FUBP3: variants seen among roughly 807,000 people sequenced by gnomAD.
FUBP3 encodes far upstream element binding protein 3.
Under a neutral mutation model 85.6 loss-of-function variants are expected in FUBP3, and 28 were observed. The observed-to-expected ratio is 0.33, with a 90% confidence interval of 0.24 to 0.45. The LOEUF is 0.45. Ranked by LOEUF, FUBP3 falls within the 20% of genes least tolerant of loss-of-function variation. The pLI, the probability that FUBP3 is intolerant of heterozygous loss-of-function variation, is 1.00. For missense variants in FUBP3, 583 were observed against 755.1 expected, an observed-to-expected ratio of 0.77 and a Z score of 2.67; for synonymous variants, 271 against 271.4, an observed-to-expected ratio of 1.00 and a Z score of 0.01.
chr9:130,619,633 A>T (rs1392677438), intron 8 of FUBP3, among the ~76,000 whole-genome samples: 1 of 152,130 alleles, frequency 6.6e-6, no homozygotes, highest in Non-Finnish European at 1.5e-5. Context: ...CATTCCCTTG[A>T]GTTGTAAGGT....
At chr9:130,636,560 G>A (rs1328054059) in intron 18 of FUBP3, among the ~76,000 whole-genome samples, 1 of 152,256 alleles carries the variant, frequency 6.6e-6, no homozygotes, top group Non-Finnish European at 1.5e-5. Context: ...CAGTGAGAGG[G>A]CAGGGGGGCA....
chr9:130,612,448 GTT>G lies in FUBP3; in HGVS notation c.225-4_225-3del. 6.3e-7 allele frequency: 1 copy of G among 1,584,560 alleles called. No individual in the cohort carries two copies. The highest frequency in any genetic ancestry group is 8.7e-7 in the Non-Finnish European group (1 of 1,155,260). On this transcript the variant is annotated splice_polypyrimidine_tract_variant and splice_region_variant and intron_variant, in intron 3 of 18. Coordinates refer to ENST00000319725, the MANE Select transcript of FUBP3 (RefSeq NM_003934.2). This position sits in a 1 kb window ranked among gnomAD's most constrained non-coding sequence, Gnocchi z 4.1. ...TGTATTTTTTTCCAAAATGTTCTTT[GTT>G]TTTAGGACGGTAATAACGGAAGAAT...
chr9:130,589,673 GTGTATATATATATATATATA>G (rs1281975955), intron 1 of FUBP3, among the ~76,000 whole-genome samples: 2 of 28,370 alleles, frequency 7.0e-5, no homozygotes, highest in African/African-American at 1.3e-4. Context: ...ATGTATGTGT[GTGTATATATATATATATATA>G]TATATATATA....
chr9:130,623,747 T>C (rs1829854757), intron 11 of FUBP3, 36 bp downstream of exon 11: 1 of 1,435,674 alleles, frequency 7.0e-7, no homozygotes, highest in African/African-American at 1.4e-5. Context: ...GTGTTTGGGC[T>C]GCAGAAGTGG....
chr9:130,585,052 C>T (rs146284639), intron 1 of FUBP3, among the ~76,000 whole-genome samples: 3 of 152,204 alleles, frequency 2.0e-5, no homozygotes, highest in Admixed American at 6.5e-5. Flanking sequence ...CCCAGCTACT[C>T]GAGAGGCTGA....
chr9:130,621,271 G>A (rs947333346), intron 9 of FUBP3, among the ~76,000 whole-genome samples: 5 of 151,556 alleles, frequency 3.3e-5, no homozygotes, highest in African/African-American at 1.2e-4. Flanking sequence ...ACTGCTTGAG[G>A]CCAGGAGATT....
At chr9:130,628,432 G>A (rs577850173) in intron 12 of FUBP3, among the ~76,000 whole-genome samples, 209 of 152,358 alleles carry the variant, frequency 1.4e-3, no homozygotes, top group South Asian at 3.9e-3. Flanking sequence ...GAAGAATGGA[G>A]CGGGCTGCTG....
Position 130,616,297 on chromosome 9 carries a change from G to A in FUBP3, c.405-58G>A, listed in dbSNP as rs1044107440. 13 of 1,550,006 alleles carry A rather than the reference G, an allele frequency of 8.4e-6. No individual in the cohort carries two copies. The highest frequency in any genetic ancestry group is 1.4e-5 in the African/African-American group (1 of 73,654). On this transcript the variant is annotated intron_variant, in intron 6 of 18. Coordinates refer to ENST00000319725, the MANE Select transcript of FUBP3 (RefSeq NM_003934.2). The surrounding 1 kb of genome is among the most constrained non-coding windows in gnomAD (Gnocchi z 4.7). The stretch of plus-strand genomic sequence containing the variant: ...TCCCTCAGTGCTATTTCCCTGTCTT[G>A]CACACTTAGAGCCTCCATTTAATGC...
chr9:130,590,444 A>G (rs924348858), intron 1 of FUBP3, among the ~76,000 whole-genome samples: 6 of 152,208 alleles, frequency 3.9e-5, no homozygotes, highest in Non-Finnish European at 8.8e-5. Flanking sequence ...TTTTTCATTT[A>G]TCACTGTGCT....
chr9:130,636,956 G>C, intron 18 of FUBP3, 58 bp from the exon 19 acceptor site: 1 of 1,526,270 alleles, frequency 6.6e-7, no homozygotes, highest in Non-Finnish European at 9.1e-7. Flanking sequence ...GAGGTCACTG[G>C]CACACAGACC....
intron 16 of FUBP3, among the ~76,000 whole-genome samples, chr9:130,633,656 T>TA (rs1830302591): frequency 6.6e-6 from 1 of 152,172 alleles, no homozygotes; most frequent in African/African-American, 2.4e-5. Context: ...GTTGGTGAAA[T>TA]ACTGTTTGGC....
chr9:130,626,546 T>C, intron 12 of FUBP3, 41 bp downstream of exon 12: 4 of 1,601,074 alleles, frequency 2.5e-6, no homozygotes, highest in Non-Finnish European at 3.4e-6. Context: ...CTCAGCTGTT[T>C]GGCTTGAGGG....
At chr9:130,596,681 A>G in intron 2 of FUBP3, 2 of 454,290 alleles carry the variant, frequency 4.4e-6, no homozygotes, top group Non-Finnish European at 9.1e-6. Context: ...TAAATCCTCC[A>G]GTTCATAGAC....
chr9:130,618,505 A>G (rs1832125819), intron 8 of FUBP3, among the ~76,000 whole-genome samples: 1 of 152,252 alleles, frequency 6.6e-6, no homozygotes, highest in Non-Finnish European at 1.5e-5. Flanking sequence ...GGCTGGAAGC[A>G]GTAAGGGACT....
At chr9:130,627,754 T>G (rs144106333) in intron 12 of FUBP3, among the ~76,000 whole-genome samples, 100 of 152,348 alleles carry the variant, frequency 6.6e-4, no homozygotes, top group African/African-American at 2.3e-3. Context: ...AGTTGATGCC[T>G]GTAGGTTGAC....
chr9:130,597,077 A>G (rs1020460638), intron 2 of FUBP3, among the ~76,000 whole-genome samples: 3 of 126,440 alleles, frequency 2.4e-5, no homozygotes, highest in African/African-American at 9.1e-5. Context: ...TCTGGTAACC[A>G]TCCTTCTACT....
chr9:130,616,441 T>G lies in FUBP3; in HGVS notation c.491T>G (p.Ile164Ser). ...AATGACATAGACAGCAACAGCACAA[T>G]CCAGGAGATTCTCATTCCCGCATCT... Reference protein sequence around the residue: ...FHNDIDSNSTIQEILIPASKV... With the variant: ...FHNDIDSNSTSQEILIPASKV... The change falls in exon 7 of 19, where the codon ATC (isoleucine) becomes AGC (serine). Residue 164 changes from isoleucine (I) to serine (S), a missense_variant. Transcript: ENST00000319725. The surrounding 1 kb of genome is among the most constrained non-coding windows in gnomAD (Gnocchi z 4.7). 3 of 1,613,914 alleles carry G rather than the reference T, an allele frequency of 1.9e-6. No homozygotes were observed. Among genetic ancestry groups the G allele is most frequent in the Non-Finnish European group, 2.5e-6 (3 of 1,179,898 alleles).
At chr9:130,609,893 ATGAAGT>A in intron 2 of FUBP3, 55 bp from the exon 3 acceptor site, 1 of 1,262,952 alleles carries the variant, frequency 7.9e-7, no homozygotes. Flanking sequence ...AATGGTAAGG[ATGAAGT>A]TAGTTTATCC....
In FUBP3 at chr9:130,610,048, A is replaced by G. The variant is rs1831660764; in HGVS notation, c.224+61A>G. On this transcript the variant is annotated intron_variant, in intron 3 of 18. Transcript: ENST00000319725. ...ATTTCTAATTGTTTATTGATCCACC[A>G]TCTGTACTAGAGTGCTAGAAAGTCA... 18 of 1,262,142 alleles carry G rather than the reference A, an allele frequency of 1.4e-5. No individual in the cohort carries two copies. The East Asian group carries it at 1.6e-4, about 11-fold the overall frequency. The allele number at this position is 1,262,142 out of a possible 1,614,324, so 78.2% of individuals were successfully genotyped here. A position where few individuals can be genotyped will look rare whatever the true frequency, so the allele number is the denominator to read the frequency against.
Sources: allele counts gnomAD v4.1 joint callset (sites outside exome capture counted in the v4.1 genomes callset), GRCh38; gene constraint gnomAD v4.1.1; non-coding constraint Gnocchi (gnomAD v3.1); transcripts MANE v1.5; gene names NCBI Gene and HGNC (gene_info 2026-07-23, HGNC 2026-07-21).